The following MAG variants were observed in gnomAD, a reference collection of about 807,000 sequenced individuals.
MAG encodes myelin associated glycoprotein, also known as myelin-associated glycoprotein.
Under a neutral mutation model 60.7 loss-of-function variants are expected in MAG, and 30 were observed. The observed-to-expected ratio is 0.49, with a 90% CI of 0.37 to 0.67. The LOEUF (loss-of-function observed/expected upper bound fraction) is 0.67. Among genes scored for constraint, MAG ranks in the 30% least tolerant of loss-of-function variants. MAG has a pLI of 0.00. For synonymous variants in MAG, 384 were observed against 376.8 expected (o/e 1.02, Z -0.22); for missense variants, 795 against 851.7 (o/e 0.93, Z 0.83).
At chr19:35,294,764 A>T (rs1017037827) in intron 2 of MAG, among the ~76,000 whole-genome samples, 13 of 152,124 alleles carry the variant, frequency 8.5e-5, no homozygotes, top group South Asian at 2.1e-4. Flanking sequence ...TCTCTAAAAA[A>T]AATAATAATA....
In MAG at chr19:35,299,548, G is replaced by T. The variant is rs759995393; in HGVS notation, c.416-6G>T. ...TCTCAGCCCTCCCTTTCCCCGCCTC[G>T]TATAGACACCCCCAACATCGTGGTG... On this transcript the variant is annotated splice_polypyrimidine_tract_variant and splice_region_variant and intron_variant, in intron 4 of 10. Transcript: ENST00000392213. 1.3e-6 allele frequency: 2 copies of T among 1,575,660 alleles called. No individual in the cohort carries two copies. Among genetic ancestry groups the T allele is most frequent in the Non-Finnish European group, 1.7e-6 (2 of 1,153,734 alleles).
At chr19:35,303,279 C>T (rs2066462101) in intron 7 of MAG, among the ~76,000 whole-genome samples, 1 of 152,182 alleles carries the variant, frequency 6.6e-6, no homozygotes, top group African/African-American at 2.4e-5. Context: ...TGCCCCTCTG[C>T]ACTAACCGAA....
At chr19:35,309,680 A>G in intron 7 of MAG, 194 bp from the exon 8 acceptor site, 1 of 613,004 alleles carries the variant, frequency 1.6e-6, no homozygotes. Flanking sequence ...GAAAACAGGC[A>G]GCCGGCGGGG....
chr19:35,299,500 G>A (rs1220453771), intron 4 of MAG, 54 bp from the exon 5 acceptor site: 2 of 1,336,884 alleles, frequency 1.5e-6, no homozygotes, highest in Non-Finnish European at 2.1e-6. Flanking sequence ...GGGTGGGACC[G>A]GGACCGTAGC....
chr19:35,311,861 C>A, intron 9 of MAG, 57 bp from the exon 10 acceptor site: 2 of 1,281,936 alleles, frequency 1.6e-6, no homozygotes, highest in Non-Finnish European at 2.2e-6. Context: ...ACTCCTAAAA[C>A]ACGTGGGGGT....
chr19:35,299,873 CGGGGTGGGG>C, intron 5 of MAG, 23 bp downstream of exon 5: 1 of 48,414 alleles, frequency 2.1e-5, no homozygotes, highest in Non-Finnish European at 3.9e-5. Flanking sequence ...GCGGGCGGGG[CGGGGTGGGG>C]CGGGGTGGGG....
At chr19:35,311,326 T>C (rs1433112749) in intron 9 of MAG, among the ~76,000 whole-genome samples, 1 of 151,908 alleles carries the variant, frequency 6.6e-6, no homozygotes, top group Non-Finnish European at 1.5e-5. Context: ...AATTAGCTAC[T>C]AGTGGCACGT....
rs2066518360 is a variant in MAG at position 35,310,411 on chromosome 19, C to T, written c.1520-136C>T. On this transcript the variant is annotated intron_variant, in intron 8 of 10. Transcript: ENST00000392213. ...GGATTGCCCTGGCACGAGGAGGCTCCGTGCCAATCAGTCAGTGCAAGGATG... is the reference window on the plus strand; with the variant it reads ...GGATTGCCCTGGCACGAGGAGGCTCTGTGCCAATCAGTCAGTGCAAGGATG... The T allele has an allele frequency of 3.0e-5, 26 of 854,124 alleles. No individual in the cohort carries two copies. In the East Asian group the frequency reaches 6.6e-4, roughly 22 times the overall value. 52.9% of individuals were successfully genotyped at this position (854,124 alleles called of 1,614,324 possible).
chr19:35,299,635 C>T lies in MAG; in HGVS notation c.497C>T (p.Pro166Leu), dbSNP rs1342982783. 1 of 1,610,684 alleles carries T rather than the reference C, an allele frequency of 6.2e-7. No homozygotes were observed. Among genetic ancestry groups the T allele is most frequent in the Admixed American group, 1.7e-5 (1 of 59,776 alleles). The change falls in exon 5 of 11, where the codon CCA (proline) becomes CTA (leucine). Residue 166 changes from proline to leucine, a missense_variant. Physicochemically the swap from Pro to Leu is moderately conservative, Grantham distance 98. Coordinates refer to ENST00000392213, the MANE Select transcript of MAG (RefSeq NM_002361.4). ...EVSCMVPDNC[P>L]ELRPELSWLG... ...AGCTGCATGGTGCCGGACAACTGCC[C>T]AGAGCTGCGCCCTGAGCTGAGCTGG... is the stretch of plus-strand genomic sequence containing the variant.
At position 35,313,375 on chromosome 19, in the gene MAG, AC is replaced by A; in HGVS notation, c.1804del (p.Leu602TrpfsTer12). On this transcript the variant is annotated frameshift_variant, in exon 11 of 11. Transcript: ENST00000392213. LOFTEE classifies it high-confidence loss of function. Reference protein sequence around the residue: ...PELDLSYSHSDLGKRPTKDSY... With the variant: ...PELDLSYSHSXLGKRPTKDSY... ...CTGGACCTGAGCTATTCTCACTCGG[AC>A]CTGGGGAAACGGCCCACCAAGGACA... 6.2e-7 allele frequency: 1 copy of A among 1,614,064 alleles called. No homozygotes were observed. Among genetic ancestry groups the A allele is most frequent in the African/African-American group, 1.3e-5 (1 of 75,022 alleles).
intron 8 of MAG, 94 bp from the exon 9 acceptor site, chr19:35,310,453 A>G: frequency 1.8e-6 from 2 of 1,112,544 alleles, no homozygotes; most frequent in East Asian, 2.4e-5. Context: ...CTGTGTGACT[A>G]CATTGACTGT....
chr19:35,308,930 G>A (rs545702428), intron 7 of MAG, among the ~76,000 whole-genome samples: 14 of 152,162 alleles, frequency 9.2e-5, no homozygotes, highest in Non-Finnish European at 1.9e-4. Flanking sequence ...CTATAGTACT[G>A]CCACTGCACT....
Position 35,300,245 on chromosome 19 carries a change from CT to C in MAG, c.812del (p.Leu271ArgfsTer25). 6.3e-7 allele frequency: 1 copy of C among 1,591,744 alleles called. No homozygotes were observed. Among genetic ancestry groups the C allele is most frequent in the South Asian group, 1.1e-5 (1 of 89,944 alleles). ...GGCTGACAGCAACCCCCCGCCGCTGCTGACCTGGATGCGGGACGGGACAGTC... is the reference window on the plus strand; with the variant it reads ...GGCTGACAGCAACCCCCCGCCGCTGCGACCTGGATGCGGGACGGGACAGTC... ...CGADSNPPPL[L>X]TWMRDGTVLR... On this transcript the variant is annotated frameshift_variant, in exon 6 of 11. Coordinates refer to ENST00000392213, the MANE Select transcript of MAG (RefSeq NM_002361.4). LOFTEE classifies it high-confidence loss of function.
In MAG at chr19:35,299,860, G is replaced by A. The variant is rs764953883; in HGVS notation, c.712+10G>A. On this transcript the variant is annotated intron_variant, in intron 5 of 10. Coordinates refer to ENST00000392213, the MANE Select transcript of MAG (RefSeq NM_002361.4). ...AGCATGGACGTCAAGTGTGAGCCTGGGTGCGGGCGGGGCGGGGTGGGGCGG... is the reference window on the plus strand; with the variant it reads ...AGCATGGACGTCAAGTGTGAGCCTGAGTGCGGGCGGGGCGGGGTGGGGCGG... The A allele has an allele frequency of 2.1e-5, 28 of 1,359,052 alleles. No homozygotes were observed. The highest frequency in any genetic ancestry group is 2.9e-5 in the East Asian group (1 of 34,958). The allele number at this position is 1,359,052 out of a possible 1,614,324, so 84.2% of individuals were successfully genotyped here. A position where few individuals can be genotyped will look rare whatever the true frequency, so the allele number is the denominator to read the frequency against.
chr19:35,312,228 G>C (rs2145628020), intron 10 of MAG: 1 of 1,533,454 alleles, frequency 6.5e-7, no homozygotes, highest in Non-Finnish European at 9.0e-7. Context: ...TGGGGCCTAA[G>C]GGCCCCCTCC....
At chr19:35,305,683 G>A (rs1235133314) in intron 7 of MAG, among the ~76,000 whole-genome samples, 3 of 152,122 alleles carry the variant, frequency 2.0e-5, no homozygotes, top group African/African-American at 7.2e-5. Context: ...GGCTGGGCGT[G>A]GTGGCCCACA....
chr19:35,308,254 C>A (rs2066499455), intron 7 of MAG, among the ~76,000 whole-genome samples: 1 of 152,112 alleles, frequency 6.6e-6, no homozygotes, highest in Admixed American at 6.6e-5. Flanking sequence ...GGAGGGCGTT[C>A]CACAGGCAAC....
intron 4 of MAG, 70 bp from the exon 5 acceptor site, chr19:35,299,484 T>C (rs1291460740): frequency 1.2e-6 from 1 of 844,576 alleles, no homozygotes; most frequent in African/African-American, 4.7e-5. Context: ...AGGAGGAGGG[T>C]GGGTGGGGTG....
At chr19:35,294,346 T>TTGCAATGCTG in intron 2 of MAG, 56 bp downstream of exon 2, 1 of 425,800 alleles carries the variant, frequency 2.3e-6, no homozygotes, top group South Asian at 1.7e-5. Context: ...ATGCTGGCCC[T>TTGCAATGCTG]GCCTTGGCTC....
Sources: allele counts gnomAD v4.1 joint callset (sites outside exome capture counted in the v4.1 genomes callset), GRCh38; gene constraint gnomAD v4.1.1; transcripts MANE v1.5; gene names NCBI Gene and HGNC (gene_info 2026-07-23, HGNC 2026-07-21).